ANKRD55: variants seen among roughly 807,000 people sequenced by gnomAD.
ANKRD55 encodes ankyrin repeat domain 55.
In ANKRD55, 41 loss-of-function variants were observed where a neutral mutation model predicts 60.6. That is an observed-to-expected ratio of 0.68 (90% confidence interval 0.53 to 0.88). The LOEUF is 0.88. Among genes scored for constraint, ANKRD55 ranks in the 40% least tolerant of loss-of-function variants. ANKRD55 has a pLI of 0.00. For missense variants in ANKRD55, 732 were observed against 767.6 expected, an observed-to-expected ratio of 0.95 and a Z score of 0.55; for synonymous variants, 264 against 290.3, an observed-to-expected ratio of 0.91 and a Z score of 0.92.
rs759875553 is a variant in ANKRD55 at position 56,166,201 on chromosome 5, C to CCTTCCTTCCTTCCTTCCT, written c.422+4492_422+4493insAGGAAGGAAGGAAGGAAG. ...TCCTTCCTTCCTTCCTTCCTTCCTT[C>CCTTCCTTCCTTCCTTCCT]TCTCTCTCTCTCTCTCTTTCTTTCT... On this transcript the variant is annotated intron_variant, in intron 5 of 11. Transcript: ENST00000341048. Among the ~76,000 whole-genome samples, 146 of 117,496 alleles carry CCTTCCTTCCTTCCTTCCT rather than the reference C, an allele frequency of 1.2e-3. 6 individuals are homozygous for CCTTCCTTCCTTCCTTCCT. Among genetic ancestry groups the CCTTCCTTCCTTCCTTCCT allele is most frequent in the Middle Eastern group, 3.8e-3 (1 of 262 alleles). 77.1% of individuals were successfully genotyped at this position (117,496 alleles called of 152,430 possible).
At chr5:56,201,478 A>G (rs917244388) in intron 2 of ANKRD55, among the ~76,000 whole-genome samples, 2 of 152,230 alleles carry the variant, frequency 1.3e-5, no homozygotes, top group African/African-American at 4.8e-5. Context: ...CAAAGCATAC[A>G]TATAGAAAAA....
At chr5:56,178,570 G>T (rs745314450) in intron 3 of ANKRD55, among the ~76,000 whole-genome samples, 21 of 150,360 alleles carry the variant, frequency 1.4e-4, no homozygotes, top group Non-Finnish European at 2.8e-4. Flanking sequence ...AAAAGAAAAG[G>T]TCTTCCTTAA....
At chr5:56,182,039 C>G (rs1248616422) in intron 3 of ANKRD55, among the ~76,000 whole-genome samples, 1 of 152,066 alleles carries the variant, frequency 6.6e-6, no homozygotes, top group East Asian at 1.9e-4. Flanking sequence ...AGCTCATAAA[C>G]ATAACTGAAA....
At position 56,173,568 on chromosome 5, in the gene ANKRD55, CTCTCTCTCTCTCTCTATA is replaced by C. The variant is rs1207399096; in HGVS notation, c.312+2566_312+2583del. 6.2e-3 allele frequency among the ~76,000 whole-genome samples: 704 copies of C among 112,838 alleles called. 2 individuals are homozygous for C. Among genetic ancestry groups the C allele is most frequent in the African/African-American group, 0.017 (421 of 24,468 alleles). 74.0% of individuals were successfully genotyped at this position (112,838 alleles called of 152,430 possible). On this transcript the variant is annotated intron_variant, in intron 4 of 11. Transcript: ENST00000341048. ...TCTCTCTCTCTCTCTCTCTCTCTCT[CTCTCTCTCTCTCTCTATA>C]TATATATATATATATATATATCTTG...
chr5:56,202,217 T>A (rs565081380), intron 2 of ANKRD55, among the ~76,000 whole-genome samples: 1 of 152,176 alleles, frequency 6.6e-6, no homozygotes, highest in African/African-American at 2.4e-5. Flanking sequence ...ATTTAGGTGA[T>A]GGGATTATCT....
At chr5:56,194,884 T>A (rs1759194755) in intron 2 of ANKRD55, among the ~76,000 whole-genome samples, 1 of 152,220 alleles carries the variant, frequency 6.6e-6, no homozygotes, top group African/African-American at 2.4e-5. Context: ...TACATAGTTA[T>A]GATTTCTTTC....
intron 2 of ANKRD55, among the ~76,000 whole-genome samples, chr5:56,198,092 A>G (rs757461272): frequency 6.6e-6 from 1 of 152,116 alleles, no homozygotes; most frequent in Non-Finnish European, 1.5e-5. Context: ...TTACTCTTAA[A>G]TGCTGCCTTC....
intron 11 of ANKRD55, 57 bp from the exon 12 acceptor site, chr5:56,100,361 C>T (rs779673885): frequency 1.5e-5 from 24 of 1,603,784 alleles, no homozygotes; most frequent in South Asian, 5.5e-5. Flanking sequence ...AACAGGAAGG[C>T]GGCAGGAGAA....
At position 56,232,768 on chromosome 5, in the gene ANKRD55, A is replaced by ACACACG. The variant is rs1440098612; in HGVS notation, c.58+87_58+88insCGTGTG. The ACACACG allele has an allele frequency of 2.0e-5, 27 of 1,325,844 alleles. No homozygotes were observed. The African/African-American group carries it at 3.3e-4, about 16-fold the overall frequency. The allele number at this position is 1,325,844 out of a possible 1,614,324, so 82.1% of individuals were successfully genotyped here. On this transcript the variant is annotated intron_variant, in intron 2 of 11. Coordinates refer to ENST00000341048, the MANE Select transcript of ANKRD55 (RefSeq NM_024669.3). ...TGAACACACACACACACACACACAC[A>ACACACG]CTTCTCTTTCTCTCCTTACAACTGT...
intron 2 of ANKRD55, among the ~76,000 whole-genome samples, chr5:56,184,236 C>T (rs80042577): frequency 0.032 from 4,822 of 152,266 alleles, 268 homozygotes; most frequent in African/African-American, 0.11. Context: ...CCCCTAGTGC[C>T]GTGTTCGGCA....
chr5:56,112,511 A>AAAAACAAAAAAAAAAACAAAAAAAAAAAC (rs1756753632), intron 9 of ANKRD55, among the ~76,000 whole-genome samples: 3 of 81,528 alleles, frequency 3.7e-5, no homozygotes, highest in African/African-American at 1.6e-4. Flanking sequence ...TAGCAAAAAA[A>AAAAACAAAAAAAAAAACAAAAAAAAAAAC]AAAAAAAAAA....
intron 8 of ANKRD55, among the ~76,000 whole-genome samples, chr5:56,118,760 A>T (rs115611737): frequency 0.032 from 4,817 of 152,330 alleles, 132 homozygotes; most frequent in Admixed American, 0.051. Context: ...AGATATATGG[A>T]TGGTAAATAA....
At chr5:56,101,373 G>A (rs184030378) in intron 11 of ANKRD55, among the ~76,000 whole-genome samples, 39 of 151,844 alleles carry the variant, frequency 2.6e-4, no homozygotes, top group African/African-American at 9.4e-4. Flanking sequence ...CGTCTAACCT[G>A]CACTTAGGAG....
At chr5:56,121,607 G>C (rs865880817) in intron 8 of ANKRD55, among the ~76,000 whole-genome samples, 1 of 151,938 alleles carries the variant, frequency 6.6e-6, no homozygotes, top group South Asian at 2.1e-4. Flanking sequence ...TCCTGACCTC[G>C]TGATCCACCC....
intron 6 of ANKRD55, among the ~76,000 whole-genome samples, chr5:56,156,270 G>T (rs1185712121): frequency 1.3e-5 from 2 of 152,192 alleles, no homozygotes; most frequent in Non-Finnish European, 2.9e-5. Flanking sequence ...TGCTTTCTGG[G>T]CTTAAAACCC....
intron 5 of ANKRD55, among the ~76,000 whole-genome samples, chr5:56,164,072 A>T (rs159717): frequency 0.36 from 55,107 of 152,060 alleles, 10,291 homozygotes; most frequent in South Asian, 0.45. Flanking sequence ...AGCCTGGGCA[A>T]CAGAGCTTGA....
intron 2 of ANKRD55, among the ~76,000 whole-genome samples, chr5:56,221,795 G>C (rs978913733): frequency 6.6e-6 from 1 of 152,238 alleles, no homozygotes; most frequent in Non-Finnish European, 1.5e-5. Flanking sequence ...GCGAGGCTGG[G>C]GGAAGGGCAT....
At chr5:56,145,402 C>T (rs1415084298) in intron 6 of ANKRD55, among the ~76,000 whole-genome samples, 2 of 152,130 alleles carry the variant, frequency 1.3e-5, no homozygotes, top group African/African-American at 4.8e-5. Flanking sequence ...TTTTTTTCCT[C>T]ATATATCAAC....
intron 2 of ANKRD55, among the ~76,000 whole-genome samples, chr5:56,192,005 G>C (rs1283510361): frequency 6.6e-6 from 1 of 152,190 alleles, no homozygotes; most frequent in Non-Finnish European, 1.5e-5. Context: ...TCTAAAATGA[G>C]AGCAGGAAAG....
Sources: gnomAD v4.1 joint callset for allele counts (sites outside exome capture counted in the v4.1 genomes callset) on GRCh38, gnomAD v4.1.1 for gene constraint, MANE v1.5 for transcripts, NCBI Gene and HGNC (gene_info 2026-07-23, HGNC 2026-07-21) for gene names.